LPAR3: variants seen among roughly 807,000 people sequenced by gnomAD.
LPAR3 encodes LPA receptor 3.
Under a neutral mutation model 17.8 loss-of-function variants are expected in LPAR3, and 7 were observed. That is an observed-to-expected ratio of 0.39 (90% CI 0.22 to 0.74). The LOEUF (loss-of-function observed/expected upper bound fraction) is 0.74, where lower values mean the gene tolerates loss of function less well. LPAR3 is among the 30% of genes least tolerant of loss of function. The pLI is 0.40. For missense variants in LPAR3, 391 were observed against 453.4 expected (o/e 0.86, Z 1.25); for synonymous variants, 179 against 179.9 (o/e 0.99, Z 0.04).
chr1:84,835,149 T>G (rs1453450398), intron 2 of LPAR3, among the ~76,000 whole-genome samples: 1 of 152,244 alleles, frequency 6.6e-6, no homozygotes, highest in Admixed American at 6.5e-5. Context: ...TTCCTACAGG[T>G]GCTTACTACA....
At chr1:84,847,663 G>C (rs1257099333) in intron 2 of LPAR3, among the ~76,000 whole-genome samples, 1 of 152,146 alleles carries the variant, frequency 6.6e-6, no homozygotes, top group African/African-American at 2.4e-5. Context: ...GGGGTCTCCA[G>C]GGTAGCCTGA....
intron 1 of LPAR3, among the ~76,000 whole-genome samples, chr1:84,890,259 A>G (rs917596362): frequency 5.3e-5 from 8 of 152,252 alleles, no homozygotes; most frequent in African/African-American, 1.4e-4. Flanking sequence ...AGGAAAAGAG[A>G]AAGCAAGTAA....
chr1:84,854,023 A>G lies in LPAR3; in HGVS notation c.736+11362T>C, dbSNP rs576775238. Among the ~76,000 whole-genome samples the G allele has an allele frequency of 9.2e-5, 14 of 152,310 alleles. No homozygotes were observed. In the South Asian group the frequency reaches 2.9e-3, roughly 32 times the overall value. On this transcript the variant is annotated intron_variant, in intron 2 of 2. Coordinates refer to ENST00000370611, the MANE Select transcript of LPAR3 (RefSeq NM_012152.3). ...TATATCCACTCCAGACCCAATTCAT[A>G]TACCCATGTTATCTGCCTAGTCTCT...
intron 1 of LPAR3, among the ~76,000 whole-genome samples, chr1:84,879,002 G>C (rs1262373076): frequency 1.3e-5 from 2 of 152,138 alleles, no homozygotes; most frequent in Non-Finnish European, 2.9e-5. Flanking sequence ...CCAAACCTAG[G>C]AATCTGGTTT....
chr1:84,874,006 G>A (rs1660207460), intron 1 of LPAR3, among the ~76,000 whole-genome samples: 1 of 152,170 alleles, frequency 6.6e-6, no homozygotes, highest in Admixed American at 6.5e-5. Context: ...GCCAGCCTCA[G>A]CCTCCCAAAG....
chr1:84,868,245 G>A (rs1305693261), intron 1 of LPAR3, among the ~76,000 whole-genome samples: 1 of 152,132 alleles, frequency 6.6e-6, no homozygotes, highest in East Asian at 1.9e-4. Flanking sequence ...GAGTAGCTGG[G>A]ACCACAGGCG....
chr1:84,820,207 A>G (rs1659028376), intron 2 of LPAR3, among the ~76,000 whole-genome samples: 1 of 152,182 alleles, frequency 6.6e-6, no homozygotes, highest in African/African-American at 2.4e-5. Context: ...GCATTGAGCT[A>G]TACTAGAGGT....
chr1:84,820,618 C>A (rs1230853469), intron 2 of LPAR3, among the ~76,000 whole-genome samples: 3 of 152,088 alleles, frequency 2.0e-5, no homozygotes, highest in Non-Finnish European at 4.4e-5. Flanking sequence ...TTGAGAAGGG[C>A]CCTGTGTGCA....
chr1:84,853,170 G>A (rs938592251), intron 2 of LPAR3, among the ~76,000 whole-genome samples: 1 of 151,400 alleles, frequency 6.6e-6, no homozygotes, highest in African/African-American at 2.4e-5. Context: ...CAGAGCAGTA[G>A]TTAGAAGGGG....
At chr1:84,818,309 A>G (rs1658981046) in intron 2 of LPAR3, among the ~76,000 whole-genome samples, 1 of 152,252 alleles carries the variant, frequency 6.6e-6, no homozygotes, top group Non-Finnish European at 1.5e-5. Context: ...GACAAAAAGC[A>G]TCAATGTGAA....
chr1:84,821,909 T>C (rs530384879), intron 2 of LPAR3, among the ~76,000 whole-genome samples: 1 of 152,262 alleles, frequency 6.6e-6, no homozygotes, highest in Admixed American at 6.5e-5. Context: ...GGAGACAGTG[T>C]TCAGTTTTAG....
chr1:84,827,565 A>G (rs1659186817), intron 2 of LPAR3, among the ~76,000 whole-genome samples: 1 of 152,140 alleles, frequency 6.6e-6, no homozygotes, highest in Admixed American at 6.5e-5. Context: ...TCACCCCCAG[A>G]GTGGGCGATA....
intron 1 of LPAR3, among the ~76,000 whole-genome samples, chr1:84,887,205 C>T (rs1029825042): frequency 3.2e-4 from 41 of 128,162 alleles, no homozygotes; most frequent in African/African-American, 1.1e-3. Context: ...TCCATCTCTA[C>T]AAAAAATACA....
chr1:84,888,527 C>A (rs1427952150), intron 1 of LPAR3, among the ~76,000 whole-genome samples: 1 of 152,216 alleles, frequency 6.6e-6, no homozygotes, highest in African/African-American at 2.4e-5. Context: ...ATAGACTCCG[C>A]TGCCTATCTT....
intron 2 of LPAR3, among the ~76,000 whole-genome samples, chr1:84,824,615 T>C (rs1428581488): frequency 2.0e-5 from 3 of 152,202 alleles, no homozygotes; most frequent in East Asian, 3.8e-4. Flanking sequence ...CATGATGATA[T>C]GACCCAACAG....
At chr1:84,836,254 C>T (rs150224122) in intron 2 of LPAR3, among the ~76,000 whole-genome samples, 4,319 of 148,362 alleles carry the variant, frequency 0.029, 229 homozygotes, top group African/African-American at 0.099. Flanking sequence ...GGGAGGATTG[C>T]TTGAGCCCAG....
At chr1:84,838,169 T>C (rs1659440518) in intron 2 of LPAR3, among the ~76,000 whole-genome samples, 1 of 152,144 alleles carries the variant, frequency 6.6e-6, no homozygotes, top group South Asian at 2.1e-4. Flanking sequence ...CAGGGGATCC[T>C]TGCGGCAAAA....
intron 2 of LPAR3, among the ~76,000 whole-genome samples, chr1:84,851,203 T>TA (rs1475749817): frequency 6.6e-6 from 1 of 152,240 alleles, no homozygotes; most frequent in Admixed American, 6.5e-5. Flanking sequence ...GAGTTGTTAT[T>TA]AGAAATGAGC....
At chr1:84,855,191 T>C (rs1434531348) in intron 2 of LPAR3, among the ~76,000 whole-genome samples, 1 of 152,284 alleles carries the variant, frequency 6.6e-6, no homozygotes, top group African/African-American at 2.4e-5. Flanking sequence ...ATGTTTGCCA[T>C]AGATACACAA....
Sources: allele counts gnomAD v4.1 joint callset (sites outside exome capture counted in the v4.1 genomes callset), GRCh38; gene constraint gnomAD v4.1.1; transcripts MANE v1.5; gene names NCBI Gene and HGNC (gene_info 2026-07-23, HGNC 2026-07-21).